The following EPN2 variants were observed in gnomAD, a reference collection of about 807,000 sequenced individuals.
EPN2 encodes the protein epsin 2.
A neutral mutation model predicts 61.7 loss-of-function variants in EPN2; 34 were observed. The observed-to-expected ratio is 0.55, with a 90% CI of 0.42 to 0.73. EPN2 has a LOEUF of 0.73. Ranked by LOEUF, EPN2 falls within the 30% of genes least tolerant of loss-of-function variation. The pLI is 0.00. For synonymous variants in EPN2, 349 were observed against 353.6 expected (o/e 0.99, Z 0.15); for missense variants, 714 against 839.2 (o/e 0.85, Z 1.84).
At position 19,254,825 on chromosome 17, in the gene EPN2, A is replaced by G. The variant is rs575418873; in HGVS notation, c.-294+17294A>G. On this transcript the variant is annotated intron_variant, in intron 1 of 10. Transcript: ENST00000314728. ...CTGTTTTCATGAGAGTCATTGACAAAGGAGCTTGTTTTCCTGGATACCAAG... is the reference window on the plus strand; with the variant it reads ...CTGTTTTCATGAGAGTCATTGACAAGGGAGCTTGTTTTCCTGGATACCAAG... 3.9e-5 allele frequency among the ~76,000 whole-genome samples: 6 copies of G among 152,254 alleles called. No homozygotes were observed. The East Asian group carries it at 7.7e-4, about 20-fold the overall frequency.
In EPN2 at chr17:19,334,090, A is replaced by G. The variant is rs375075269; in HGVS notation, c.1762A>G (p.Met588Val). ...TGGGCCTGGCCCAGGAGTGGAGTCC[A>G]TGGCTGTGGCCTCGATGACCTCCGC... ...SFGPGPGVES[M>V]AVASMTSAAP... Residue 588 changes from methionine to valine, a missense_variant, in exon 11 of 11, where the codon ATG (methionine) becomes GTG (valine). Around this residue, in one of 2 missense-constraint regions of EPN2, gnomAD observed 410 missense variants for 421.8 expected, o/e 0.97. Transcript: ENST00000314728. This position sits in a 1 kb window ranked among gnomAD's most constrained non-coding sequence, Gnocchi z 4.9. The G allele has an allele frequency of 1.9e-6, 3 of 1,609,770 alleles. No homozygotes were observed. Among genetic ancestry groups the G allele is most frequent in the Non-Finnish European group, 2.5e-6 (3 of 1,178,144 alleles).
intron 4 of EPN2, among the ~76,000 whole-genome samples, chr17:19,295,354 A>G (rs2045505308): frequency 3.1e-5 from 2 of 63,548 alleles, no homozygotes; most frequent in African/African-American, 7.1e-5. Context: ...ACACACACAC[A>G]CACACACACA....
chr17:19,319,908 TGTTGGGATTACAGGCGTGAGCAGC>T (rs1906565708), intron 7 of EPN2, among the ~76,000 whole-genome samples: 1 of 152,208 alleles, frequency 6.6e-6, no homozygotes, highest in African/African-American at 2.4e-5. Context: ...CCTCCCCAAG[TGTTGGGATTACAGGCGTGAGCAGC>T]GTTGGGATTA....
At chr17:19,300,628 A>G (rs1022090050) in intron 4 of EPN2, among the ~76,000 whole-genome samples, 9 of 152,084 alleles carry the variant, frequency 5.9e-5, no homozygotes, top group African/African-American at 2.2e-4. Context: ...GGGTTTCTCC[A>G]TGTTGGTCAG....
At chr17:19,330,397 T>TCCC (rs1175751933) in intron 9 of EPN2, among the ~76,000 whole-genome samples, 1 of 152,072 alleles carries the variant, frequency 6.6e-6, no homozygotes, top group Non-Finnish European at 1.5e-5. Context: ...TTCTCTTTTA[T>TCCC]CCCTCCCTAC....
At chr17:19,275,698 G>GTAC (rs2045299095) in intron 1 of EPN2, among the ~76,000 whole-genome samples, 1 of 152,192 alleles carries the variant, frequency 6.6e-6, no homozygotes, top group Admixed American at 6.5e-5. Flanking sequence ...GATGACTGAA[G>GTAC]TACTCTTTCC....
At chr17:19,274,908 C>T (rs2045291306) in intron 1 of EPN2, among the ~76,000 whole-genome samples, 1 of 152,024 alleles carries the variant, frequency 6.6e-6, no homozygotes, top group African/African-American at 2.4e-5. Context: ...TTTGTTTAGT[C>T]TCTTTTCAGT....
At chr17:19,308,646 CG>C in intron 4 of EPN2, 1 of 985,304 alleles carries the variant, frequency 1.0e-6, no homozygotes, top group Non-Finnish European at 1.2e-6. Context: ...CACGGAGACC[CG>C]GGAGGAGGAC....
intron 4 of EPN2, among the ~76,000 whole-genome samples, chr17:19,287,352 T>C (rs3785788): frequency 0.04 from 6,071 of 152,204 alleles, 525 homozygotes; most frequent in East Asian, 0.27. Context: ...TTTTTTTCTT[T>C]GAAGATTTCT....
intron 1 of EPN2, among the ~76,000 whole-genome samples, chr17:19,253,410 CTTTTT>C (rs59492982): frequency 2.9e-5 from 3 of 101,846 alleles, no homozygotes; most frequent in African/African-American, 8.4e-5. Context: ...TAAATAGTTG[CTTTTT>C]TTTTTTTTTT....
intron 7 of EPN2, among the ~76,000 whole-genome samples, chr17:19,322,204 G>A (rs1238490375): frequency 1.3e-5 from 2 of 152,210 alleles, no homozygotes; most frequent in African/African-American, 4.8e-5. Context: ...GGGTTCTGGG[G>A]CAGTAGCAGG....
At chr17:19,267,864 T>C (rs2045215898) in intron 1 of EPN2, among the ~76,000 whole-genome samples, 2 of 152,192 alleles carry the variant, frequency 1.3e-5, no homozygotes, top group Admixed American at 1.3e-4. Flanking sequence ...AGTAAGGATT[T>C]GAATGGGCTA....
intron 1 of EPN2, among the ~76,000 whole-genome samples, chr17:19,243,674 T>G (rs1597965520): frequency 6.6e-6 from 1 of 152,256 alleles, no homozygotes; most frequent in East Asian, 1.9e-4. Flanking sequence ...ATTACAGGCA[T>G]GAGCCACTGC....
intron 5 of EPN2, among the ~76,000 whole-genome samples, 169 bp from the exon 6 acceptor site, chr17:19,311,883 G>A (rs541642059): frequency 1.3e-5 from 2 of 152,248 alleles, no homozygotes; most frequent in African/African-American, 4.8e-5. Context: ...GGGGCCTTCT[G>A]GGTACACACA....
chr17:19,298,353 C>T (rs911442265), intron 4 of EPN2, among the ~76,000 whole-genome samples: 1 of 152,034 alleles, frequency 6.6e-6, no homozygotes, highest in Admixed American at 6.6e-5. Context: ...TGCCACCATG[C>T]CCAATTAATT....
intron 4 of EPN2, among the ~76,000 whole-genome samples, chr17:19,288,686 T>TG (rs2045428862): frequency 6.6e-6 from 1 of 151,986 alleles, no homozygotes; most frequent in Non-Finnish European, 1.5e-5. Flanking sequence ...GGAGGAGGTG[T>TG]GGGGCAGGGC....
At chr17:19,258,250 C>T (rs2045103496) in intron 1 of EPN2, among the ~76,000 whole-genome samples, 1 of 152,046 alleles carries the variant, frequency 6.6e-6, no homozygotes, top group Admixed American at 6.6e-5. Context: ...AACTGCTAGC[C>T]CTGTGTGCAC....
chr17:19,295,380 A>C (rs1314153888), intron 4 of EPN2, among the ~76,000 whole-genome samples: 2 of 71,894 alleles, frequency 2.8e-5, no homozygotes, highest in Non-Finnish European at 8.3e-5. Context: ...GCGTGCGCGC[A>C]AAATAGCCAG....
intron 7 of EPN2, among the ~76,000 whole-genome samples, chr17:19,320,784 C>T (rs529489909): frequency 6.6e-6 from 1 of 152,216 alleles, no homozygotes; most frequent in East Asian, 1.9e-4. Context: ...TTTCTGAGCC[C>T]CTGAATTGGA....
Sources: allele counts gnomAD v4.1 joint callset (sites outside exome capture counted in the v4.1 genomes callset), GRCh38; gene constraint gnomAD v4.1.1; regional missense constraint gnomAD v4.1.1; non-coding constraint Gnocchi (gnomAD v3.1); transcripts MANE v1.5; gene names NCBI Gene and HGNC (gene_info 2026-07-23, HGNC 2026-07-21).